Variants in FAT2 observed in about 807,000 individuals in gnomAD.
FAT2 encodes FAT atypical cadherin 2.
Under a neutral mutation model 295.3 loss-of-function variants are expected in FAT2, and 150 were observed. The ratio of observed to expected loss-of-function variants is 0.51; its 90% CI spans 0.44 to 0.58. The LOEUF is 0.58. FAT2 is among the 20% of genes least tolerant of loss of function. FAT2 has a pLI of 0.00. For synonymous variants in FAT2, 2,026 were observed against 2,150.3 expected (o/e 0.94, Z 1.60); for missense variants, 4,868 against 5,442.7 (o/e 0.89, Z 3.32).
chr5:151,535,360 G>A (rs1421837883), intron 12 of FAT2, among the ~76,000 whole-genome samples: 1 of 151,902 alleles, frequency 6.6e-6, no homozygotes, highest in Non-Finnish European at 1.5e-5. Context: ...TCTAATTGTG[G>A]GTTTTAAGAC....
upstream of FAT2, among the ~76,000 whole-genome samples, chr5:151,593,744 C>G (rs570896295): frequency 5.3e-5 from 8 of 152,296 alleles, 1 homozygote; most frequent in South Asian, 1.7e-3. Flanking sequence ...TGGCTCACAC[C>G]TGTAATCCCA....
rs761296405 is a variant in FAT2, at chr5:151,567,778, C to T, written c.1154G>A (p.Arg385Lys). Residue 385 changes from arginine to lysine, a missense_variant, in exon 2 of 24, where the codon AGA (arginine) becomes AAA (lysine). Arg to Lys is a conservative substitution (Grantham distance 26). This residue lies in a region of FAT2 where 3,297 missense variants were observed against 3,669.4 expected (regional missense o/e 0.90). Transcript: ENST00000261800. ...CAGGTTGGGGAAGGCTGGGGTGACT[C>T]TCACCATCACCACGCGGCTGCCAGG... ...SPPGSRVVMV[R>K]VTPAFPNLQY... The T allele has an allele frequency of 1.9e-6, 3 of 1,614,160 alleles. No homozygotes were observed. The South Asian group carries it at 3.3e-5, about 18-fold the overall frequency.
Position 151,531,648 on chromosome 5 carries a change from C to G in FAT2, c.9750G>C (p.Lys3250Asn), listed in dbSNP as rs778751292. ...TCCCGCTGACCACGCGGTAGCCGGT[C>G]TTCTCTGCGCCCGGGCGAGTGAGGG... ...LATLTRPGAE[K>N]TGYRVVSGNE... The change falls in exon 14 of 24, where the codon AAG becomes AAC. Residue 3250 changes from lysine to asparagine, a missense_variant. Physicochemically the swap from Lys to Asn is moderately conservative, Grantham distance 94. Transcript: ENST00000261800. This position sits in a 1 kb window ranked among gnomAD's most constrained non-coding sequence, Gnocchi z 5.7. The G allele has an allele frequency of 6.2e-7, 1 of 1,613,652 alleles. No individual in the cohort carries two copies. Among genetic ancestry groups the G allele is most frequent in the African/African-American group, 1.3e-5 (1 of 74,922 alleles).
At chr5:151,522,407 T>C (rs1753565689) in intron 18 of FAT2, among the ~76,000 whole-genome samples, 1 of 152,178 alleles carries the variant, frequency 6.6e-6, no homozygotes. Context: ...GCTAACTTCC[T>C]CATGAAGTTT....
chr5:151,536,610 C>T (rs1337070856), intron 12 of FAT2, among the ~76,000 whole-genome samples: 3 of 152,232 alleles, frequency 2.0e-5, no homozygotes, highest in Non-Finnish European at 4.4e-5. Flanking sequence ...CTGGCTACTC[C>T]TGGCCTACCC....
In FAT2 at chr5:151,545,118, G is replaced by A. The variant is rs753981411; in HGVS notation, c.6009C>T (p.Tyr2003=). 2.3e-5 allele frequency: 37 copies of A among 1,614,060 alleles called. No homozygotes were observed. The highest frequency in any genetic ancestry group is 6.8e-6 in the Non-Finnish European group (8 of 1,180,040). ...QGNHLNDTLS[Y]FLLNGTDMFH... The stretch of plus-strand genomic sequence containing the variant: ...ACATATCTGTGCCATTCAAGAGAAA[G>A]TAGGAAAGGGTGTCATTCAAATGAT... Residue 2003 remains tyrosine, a synonymous_variant, in exon 10 of 24, where the codon TAC becomes TAT. Transcript: ENST00000261800.
At chr5:151,537,485 G>C (rs767270776) in intron 12 of FAT2, among the ~76,000 whole-genome samples, 1 of 151,692 alleles carries the variant, frequency 6.6e-6, no homozygotes, top group African/African-American at 2.4e-5. Context: ...CAAGATGTCA[G>C]CTGTGCTAAA....
rs165340 is a variant in FAT2, at chr5:151,505,290, G to T, written c.*275C>A. On this transcript the variant is annotated 3_prime_UTR_variant, in exon 24 of 24. Coordinates refer to ENST00000261800, the MANE Select transcript of FAT2 (RefSeq NM_001447.3). The stretch of plus-strand genomic sequence containing the variant: ...AGCCCTCCTGTCTCTCGCCCACCCC[G>T]GGAGTCAATTGTTCCTGGTTTTCCA... 4 of 507,796 alleles carry T rather than the reference G, an allele frequency of 7.9e-6. No individual in the cohort carries two copies. Among genetic ancestry groups the T allele is most frequent in the African/African-American group, 2.0e-5 (1 of 50,636 alleles). The allele number at this position is 507,796 out of a possible 1,614,324, so 31.5% of individuals were successfully genotyped here. A position where few individuals can be genotyped will look rare whatever the true frequency, so the allele number is the denominator to read the frequency against.
rs1443322971 is a variant in FAT2 at position 151,537,795 on chromosome 5, G to A, written c.9191C>T (p.Thr3064Ile). The stretch of plus-strand genomic sequence containing the variant: ...ATCCTGCAGCTCAGGAAACCCACCT[G>A]TATGAGGATCCAGCTTGAATTCATG... ...GAHEFKLDPH[T>I]GELTTLTALD... is the part of the protein sequence containing the mutation. The change falls in exon 12 of 24, where the codon ACA (threonine) becomes ATA (isoleucine). Residue 3064 changes from threonine (T) to isoleucine (I), a missense_variant and splice_region_variant. Thr to Ile is a moderately conservative substitution (Grantham distance 89). This residue lies in a region of FAT2 where 1,046 missense variants were observed against 1,210.1 expected (regional missense o/e 0.86). Coordinates refer to ENST00000261800, the MANE Select transcript of FAT2 (RefSeq NM_001447.3). 19 of 1,609,966 alleles carry A rather than the reference G, an allele frequency of 1.2e-5. No individual in the cohort carries two copies. The highest frequency in any genetic ancestry group is 1.5e-5 in the Non-Finnish European group (18 of 1,177,618).
chr5:151,544,215 G>A lies in FAT2; in HGVS notation c.6912C>T (p.Asn2304=), dbSNP rs771752766. ...LLASDQDSGR[N]RDVSYQIVED... The stretch of plus-strand genomic sequence containing the variant: ...CCACAATCTGATAAGAGACGTCACG[G>A]TTCCGCCCTGAGTCCTGGTCAGAAG... Residue 2304 remains asparagine, a synonymous_variant, in exon 10 of 24, where the codon AAC becomes AAT. Coordinates refer to ENST00000261800, the MANE Select transcript of FAT2 (RefSeq NM_001447.3). 3.1e-6 allele frequency: 5 copies of A among 1,614,196 alleles called. No individual in the cohort carries two copies. Among genetic ancestry groups the A allele is most frequent in the Non-Finnish European group, 2.5e-6 (3 of 1,180,024 alleles).
chr5:151,505,940 G>GC lies in FAT2; in HGVS notation c.12674dup (p.Phe4226LeufsTer33). The GC allele has an allele frequency of 1.3e-6, 2 of 1,580,566 alleles. No homozygotes were observed. Among genetic ancestry groups the GC allele is most frequent in the Non-Finnish European group, 1.7e-6 (2 of 1,166,204 alleles). On this transcript the variant is annotated frameshift_variant, in exon 24 of 24. Transcript: ENST00000261800. LOFTEE classifies it high-confidence loss of function. Reference sequence around the variant, plus strand: ...TTTCCATCTCCAGGGGGAAGGGGAAGCCCCCATAGAGGCCATTAGGCTCTG... The same window carrying GC: ...TTTCCATCTCCAGGGGGAAGGGGAAGCCCCCCATAGAGGCCATTAGGCTCTG...
chr5:151,526,549 A>T (rs1239413628), intron 17 of FAT2, among the ~76,000 whole-genome samples: 19 of 152,226 alleles, frequency 1.2e-4, no homozygotes, highest in Admixed American at 4.6e-4. Context: ...ACAGAATCTA[A>T]TGGGCAGAAA....
chr5:151,592,757 C>T (rs755858357), upstream of FAT2, among the ~76,000 whole-genome samples: 7 of 147,694 alleles, frequency 4.7e-5, no homozygotes, highest in East Asian at 5.9e-4. Context: ...TTTCCCCTGC[C>T]GTGTGACAAA....
intron 3 of FAT2, among the ~76,000 whole-genome samples, chr5:151,561,257 G>T (rs914030640): frequency 6.6e-6 from 1 of 152,184 alleles, no homozygotes; most frequent in Non-Finnish European, 1.5e-5. Flanking sequence ...GCGTGGAGGG[G>T]CCCGGACTGA....
chr5:151,584,659 C>T (rs1759100657), intron 1 of FAT2, among the ~76,000 whole-genome samples: 1 of 152,234 alleles, frequency 6.6e-6, no homozygotes, highest in Non-Finnish European at 1.5e-5. Flanking sequence ...GTCTCAGTGT[C>T]TTTCAGCAAC....
At chr5:151,580,848 T>G (rs909738003) in intron 1 of FAT2, among the ~76,000 whole-genome samples, 3 of 152,202 alleles carry the variant, frequency 2.0e-5, no homozygotes, top group Non-Finnish European at 1.5e-5. Context: ...CACTGACATG[T>G]TGGGGTGACC....
chr5:151,574,681 T>C (rs1758675512), intron 1 of FAT2, among the ~76,000 whole-genome samples: 2 of 152,206 alleles, frequency 1.3e-5, no homozygotes, highest in Non-Finnish European at 2.9e-5. Flanking sequence ...CCCACTCTGG[T>C]GTGGATAGGG....
rs1262591181 is a variant in FAT2, at chr5:151,546,305, G to A, written c.4822C>T (p.Leu1608=). The A allele has an allele frequency of 1.2e-6, 2 of 1,613,366 alleles. No homozygotes were observed. The highest frequency in any genetic ancestry group is 2.2e-5 in the East Asian group (1 of 44,882). The change falls in exon 10 of 24, where the codon CTG becomes TTG. Residue 1608 remains leucine (L), a synonymous_variant. Coordinates refer to ENST00000261800, the MANE Select transcript of FAT2 (RefSeq NM_001447.3). ...TGAGCTAGAGTAATGATGCCTAGCA[G>A]GGCATTGATGTTGAAGAAACCTTCG... is the stretch of plus-strand genomic sequence containing the variant. The part of the protein sequence containing the change: ...NSEGFFNINA[L]LGIITLAQKL...
rs1741764250 is a variant in FAT2, at chr5:151,542,905, G to A, written c.8222C>T (p.Ser2741Phe). ...TPESNKDGVFSLDPDTGVIKV... is the reference protein window; with the variant it reads ...TPESNKDGVFFLDPDTGVIKV... The stretch of plus-strand genomic sequence containing the variant: ...TATGACCCCTGTGTCTGGGTCTAGG[G>A]AGAAGACACCATCCTTGTTGCTCTC... Residue 2741 changes from serine (S) to phenylalanine (F), a missense_variant, in exon 10 of 24, where the codon TCC becomes TTC. Ser to Phe is a radical substitution (Grantham distance 155). Transcript: ENST00000261800. The A allele has an allele frequency of 1.2e-6, 2 of 1,614,146 alleles. No homozygotes were observed. Among genetic ancestry groups the A allele is most frequent in the Non-Finnish European group, 1.7e-6 (2 of 1,180,034 alleles).
Sources: allele counts gnomAD v4.1 joint callset (sites outside exome capture counted in the v4.1 genomes callset), GRCh38; gene constraint gnomAD v4.1.1; regional missense constraint gnomAD v4.1.1; non-coding constraint Gnocchi (gnomAD v3.1); transcripts MANE v1.5; gene names NCBI Gene and HGNC (gene_info 2026-07-23, HGNC 2026-07-21).